Variants in SYNE2 observed in about 807,000 individuals in gnomAD.
SYNE2 encodes nesprin-2.
A neutral mutation model predicts 856.3 loss-of-function variants in SYNE2; 431 were observed. The ratio of observed to expected loss-of-function variants is 0.50; its 90% CI spans 0.47 to 0.55. The LOEUF is 0.55. SYNE2 is among the 20% of genes least tolerant of loss of function. The pLI, the probability that SYNE2 is intolerant of heterozygous loss-of-function variation, is 0.00. For synonymous variants in SYNE2, 2,923 were observed against 2,872.3 expected (o/e 1.02, Z -0.56); for missense variants, 8,129 against 8,023.2 (o/e 1.01, Z -0.50).
intron 43 of SYNE2, among the ~76,000 whole-genome samples, chr14:64,029,127 T>C (rs923182460): frequency 6.6e-6 from 1 of 152,006 alleles, no homozygotes; most frequent in Non-Finnish European, 1.5e-5. Context: ...AGAGTGAGAC[T>C]CCATCTCAAA....
At chr14:63,800,472 A>G (rs891104974) in intron 1 of SYNE2, among the ~76,000 whole-genome samples, 1 of 152,150 alleles carries the variant, frequency 6.6e-6, no homozygotes, top group African/African-American at 2.4e-5. Context: ...GTATTTTAGT[A>G]GAGACTAGGT....
chr14:64,093,233 A>G, intron 60 of SYNE2, 116 bp from the exon 61 acceptor site: 4 of 1,181,480 alleles, frequency 3.4e-6, no homozygotes, highest in Non-Finnish European at 3.7e-6. Context: ...TGAAATCTCA[A>G]TGGGTGCATA....
Position 64,167,648 on chromosome 14 carries a change from G to A in SYNE2, c.16905+9G>A. The A allele has an allele frequency of 6.2e-7, 1 of 1,614,166 alleles. No individual in the cohort carries two copies. Among genetic ancestry groups the A allele is most frequent in the South Asian group, 1.1e-5 (1 of 91,078 alleles). On this transcript the variant is annotated intron_variant, in intron 92 of 115. Transcript: ENST00000555002. ...AGCAGAAAACCTATAAGGTAAACCT[G>A]TGTTCTCTGCCACCCTTGAACCGCT... is the stretch of plus-strand genomic sequence containing the variant.
intron 10 of SYNE2, 77 bp from the exon 11 acceptor site, chr14:63,967,632 A>G: frequency 6.8e-7 from 1 of 1,464,068 alleles, no homozygotes. Flanking sequence ...CTATACCTAT[A>G]GACCTCAAAA....
At chr14:63,868,477 A>G (rs1162157902) in intron 1 of SYNE2, among the ~76,000 whole-genome samples, 3 of 150,582 alleles carry the variant, frequency 2.0e-5, no homozygotes, top group Non-Finnish European at 4.4e-5. Context: ...CCTGCCTTAA[A>G]AAAAAAAAAA....
chr14:63,886,000 T>C (rs2094975698), intron 1 of SYNE2, among the ~76,000 whole-genome samples: 1 of 152,188 alleles, frequency 6.6e-6, no homozygotes, highest in Admixed American at 6.5e-5. Flanking sequence ...GACCCGGCCT[T>C]CCTCCCTCCC....
At chr14:64,038,715 C>T (rs978406912) in intron 45 of SYNE2, among the ~76,000 whole-genome samples, 4 of 152,210 alleles carry the variant, frequency 2.6e-5, no homozygotes, top group Non-Finnish European at 5.9e-5. Context: ...TGGCGGCGGG[C>T]GCCTGCAATC....
chr14:64,068,222 G>C (rs2097372702), intron 51 of SYNE2, among the ~76,000 whole-genome samples: 1 of 152,110 alleles, frequency 6.6e-6, no homozygotes, highest in African/African-American at 2.4e-5. Context: ...ATGATCACCA[G>C]CAAAATCAAG....
At chr14:63,986,221 T>C (rs2096624617) in intron 18 of SYNE2, among the ~76,000 whole-genome samples, 1 of 152,130 alleles carries the variant, frequency 6.6e-6, no homozygotes, top group Non-Finnish European at 1.5e-5. Context: ...TGCCTCAGCC[T>C]CCTGAGTAGC....
intron 2 of SYNE2, among the ~76,000 whole-genome samples, chr14:63,940,306 T>G (rs1233103399): frequency 2.0e-5 from 3 of 152,170 alleles, no homozygotes; most frequent in African/African-American, 7.2e-5. Context: ...TCTGCTTACC[T>G]CGGCCTCCCA....
At chr14:63,861,654 G>A (rs1027370057) in intron 1 of SYNE2, among the ~76,000 whole-genome samples, 2 of 151,892 alleles carry the variant, frequency 1.3e-5, no homozygotes, top group Non-Finnish European at 2.9e-5. Flanking sequence ...GGCTATGGTG[G>A]TGCATGTCTA....
intron 49 of SYNE2, among the ~76,000 whole-genome samples, chr14:64,061,162 TC>T (rs2097314004): frequency 6.6e-6 from 1 of 152,214 alleles, no homozygotes; most frequent in South Asian, 2.1e-4. Context: ...AATTCGGTGT[TC>T]CTGTGGGGAG....
intron 101 of SYNE2, 134 bp downstream of exon 101, chr14:64,209,079 G>A (rs574409538): frequency 1.8e-5 from 20 of 1,136,426 alleles, no homozygotes; most frequent in African/African-American, 3.1e-5. Context: ...AAGGCCCAAC[G>A]CTTATCAAAG....
At chr14:63,888,010 C>T (rs1029330851) in intron 1 of SYNE2, among the ~76,000 whole-genome samples, 5 of 152,020 alleles carry the variant, frequency 3.3e-5, no homozygotes, top group Admixed American at 2.0e-4. Context: ...GCCTTGGCCT[C>T]CCAAAGTACT....
chr14:64,129,970 G>T, intron 75 of SYNE2, 69 bp downstream of exon 75: 1 of 1,613,604 alleles, frequency 6.2e-7, no homozygotes, highest in Non-Finnish European at 8.5e-7. Flanking sequence ...TCTTCCACCA[G>T]CAGAGTTTAG....
Position 64,074,153 on chromosome 14 carries a change from T to A in SYNE2, c.10866+17T>A, listed in dbSNP as rs757944027. 2.5e-6 allele frequency: 4 copies of A among 1,612,164 alleles called. No homozygotes were observed. In the African/African-American group the frequency reaches 5.3e-5, roughly 22 times the overall value. On this transcript the variant is annotated intron_variant, in intron 53 of 115. Coordinates refer to ENST00000555002, the MANE Select transcript of SYNE2 (RefSeq NM_182914.3). ...CAATTTGAGGTAAGTGAGGAATGAATTAGTGAATGTGGCAGGTACAGGCCC... is the reference window on the plus strand; with the variant it reads ...CAATTTGAGGTAAGTGAGGAATGAAATAGTGAATGTGGCAGGTACAGGCCC...
rs763188174 is a variant in SYNE2, at chr14:64,062,728, T to C, written c.10068-23T>C. The C allele has an allele frequency of 1.9e-6, 3 of 1,605,196 alleles. No homozygotes were observed. The Admixed American group carries it at 5.0e-5, about 27-fold the overall frequency. ...TGTTAAATAAAATTTAATACCACTT[T>C]TTTTCTAACTGTGACTCACTAGGTA... On this transcript the variant is annotated intron_variant, in intron 49 of 115. Coordinates refer to ENST00000555002, the MANE Select transcript of SYNE2 (RefSeq NM_182914.3).
intron 112 of SYNE2, among the ~76,000 whole-genome samples, chr14:64,222,011 C>T (rs917109255): frequency 2.6e-5 from 4 of 152,204 alleles, no homozygotes; most frequent in Admixed American, 6.5e-5. Context: ...GAATCCTGCT[C>T]ATTGGGGAGA....
intron 1 of SYNE2, among the ~76,000 whole-genome samples, chr14:63,796,200 C>G (rs1243993864): frequency 1.3e-5 from 2 of 152,190 alleles, no homozygotes; most frequent in African/African-American, 2.4e-5. Flanking sequence ...ATTGCTCACA[C>G]CTGTAATCTG....
Sources: allele counts gnomAD v4.1 joint callset (sites outside exome capture counted in the v4.1 genomes callset), GRCh38; gene constraint gnomAD v4.1.1; transcripts MANE v1.5; gene names NCBI Gene and HGNC (gene_info 2026-07-23, HGNC 2026-07-21).